SGCZ: variants seen among roughly 807,000 people sequenced by gnomAD.
The protein encoded by SGCZ is sarcoglycan zeta, also known as zeta-sarcoglycan.
Under a neutral mutation model 41.3 loss-of-function variants are expected in SGCZ, and 40 were observed. The ratio of observed to expected loss-of-function variants is 0.97; its 90% confidence interval spans 0.75 to 1.26. The LOEUF is 1.26. Among genes scored for constraint, SGCZ ranks in the 50% most tolerant of loss-of-function variants. The pLI is 0.00. For missense variants in SGCZ, 552 were observed against 369.8 expected, an observed-to-expected ratio of 1.49 and a Z score of -4.04; for synonymous variants, 206 against 137.5, an observed-to-expected ratio of 1.50 and a Z score of -3.49.
chr8:14,536,258 T>C (rs1803293706), intron 2 of SGCZ, among the ~76,000 whole-genome samples: 3 of 151,860 alleles, frequency 2.0e-5, no homozygotes, highest in Non-Finnish European at 1.5e-5. Flanking sequence ...AACAATTCAT[T>C]CATGTTGATA....
intron 1 of SGCZ, among the ~76,000 whole-genome samples, chr8:15,017,303 T>C (rs1304347206): frequency 6.6e-6 from 1 of 152,100 alleles, no homozygotes; most frequent in Non-Finnish European, 1.5e-5. Context: ...CCCAGGCAAA[T>C]AGTCAACAGA....
chr8:14,447,334 C>CA (rs1287232880), intron 2 of SGCZ, among the ~76,000 whole-genome samples: 1 of 151,782 alleles, frequency 6.6e-6, no homozygotes, highest in African/African-American at 2.4e-5. Flanking sequence ...ATTATGAAAT[C>CA]AAAAAAATAC....
rs79700712 is a variant in SGCZ, at chr8:15,187,395, A to T, written c.39+50190T>A. Among the ~76,000 whole-genome samples, 604 of 152,234 alleles carry T rather than the reference A, an allele frequency of 4.0e-3. 2 individuals are homozygous for T. Among genetic ancestry groups the T allele is most frequent in the Non-Finnish European group, 6.5e-3 (442 of 67,944 alleles). On this transcript the variant is annotated intron_variant, in intron 1 of 7. Coordinates refer to ENST00000382080, the MANE Select transcript of SGCZ (RefSeq NM_139167.4). ...GTGCATGTAATGTGCATTTTACAAG[A>T]GGAGAGACATTTTTTAGAACAGGAT...
chr8:14,326,464 C>A (rs1802121852), intron 2 of SGCZ, among the ~76,000 whole-genome samples: 1 of 151,886 alleles, frequency 6.6e-6, no homozygotes, highest in South Asian at 2.1e-4. Context: ...TTTTAAAAAG[C>A]CAGACTAAAG....
At chr8:14,334,850 AC>A (rs1368512270) in intron 2 of SGCZ, among the ~76,000 whole-genome samples, 2 of 152,084 alleles carry the variant, frequency 1.3e-5, no homozygotes, top group African/African-American at 4.8e-5. Flanking sequence ...CTTCATATAT[AC>A]TTTTTTGTAA....
chr8:14,337,542 G>A (rs1013833503), intron 2 of SGCZ, among the ~76,000 whole-genome samples: 1 of 152,176 alleles, frequency 6.6e-6, no homozygotes, highest in East Asian at 1.9e-4. Flanking sequence ...GGAAGTATGG[G>A]AAAAGTGATG....
At chr8:14,593,351 G>C (rs764232593) in intron 1 of SGCZ, among the ~76,000 whole-genome samples, 3 of 152,114 alleles carry the variant, frequency 2.0e-5, no homozygotes, top group Admixed American at 1.3e-4. Flanking sequence ...GCTGAAAAAG[G>C]ACATGGATTC....
intron 1 of SGCZ, among the ~76,000 whole-genome samples, chr8:14,558,498 C>A (rs947132971): frequency 1.3e-5 from 2 of 150,110 alleles, no homozygotes; most frequent in African/African-American, 4.9e-5. Context: ...TTGCTTGAAC[C>A]CGGAAGGCAG....
At chr8:15,109,285 A>C (rs1464603806) in intron 1 of SGCZ, among the ~76,000 whole-genome samples, 1 of 152,176 alleles carries the variant, frequency 6.6e-6, no homozygotes, top group Non-Finnish European at 1.5e-5. Flanking sequence ...TCTGCTAATG[A>C]ATCATGACAT....
At chr8:15,064,417 T>G (rs936958699) in intron 1 of SGCZ, among the ~76,000 whole-genome samples, 1 of 152,060 alleles carries the variant, frequency 6.6e-6, no homozygotes, top group African/African-American at 2.4e-5. Flanking sequence ...ATCGATCCAG[T>G]AGTCCCATAG....
intron 1 of SGCZ, among the ~76,000 whole-genome samples, chr8:14,912,320 A>C (rs971592818): frequency 6.6e-6 from 1 of 151,942 alleles, no homozygotes; most frequent in African/African-American, 2.4e-5. Context: ...CCCTACCCAA[A>C]ATGACAGAGA....
intron 1 of SGCZ, among the ~76,000 whole-genome samples, chr8:14,808,584 G>GT (rs1367781262): frequency 7.3e-5 from 11 of 151,334 alleles, no homozygotes; most frequent in Admixed American, 7.2e-4. Context: ...GAAACAACAG[G>GT]TGCTGGAGAG....
chr8:14,805,591 T>G (rs183306258), intron 1 of SGCZ, among the ~76,000 whole-genome samples: 8,911 of 134,070 alleles, frequency 0.066, 776 homozygotes, highest in African/African-American at 0.16. Flanking sequence ...ACGTCCTGAG[T>G]GACCTACAAA....
intron 5 of SGCZ, among the ~76,000 whole-genome samples, chr8:14,115,011 TAC>T: frequency 6.6e-6 from 1 of 151,866 alleles, no homozygotes; most frequent in Non-Finnish European, 1.5e-5. Context: ...TTAAAAATTG[TAC>T]ATAAATAATC....
At chr8:15,205,107 A>G (rs917931581) in intron 1 of SGCZ, among the ~76,000 whole-genome samples, 4 of 152,144 alleles carry the variant, frequency 2.6e-5, no homozygotes, top group Non-Finnish European at 5.9e-5. Context: ...TGTAAAATCA[A>G]TTTTTGGATT....
rs183828845 is a variant in SGCZ, at chr8:15,160,587, C to T, written c.39+76998G>A. Among the ~76,000 whole-genome samples, 620 of 152,124 alleles carry T rather than the reference C, an allele frequency of 4.1e-3. 5 individuals carry two copies. The highest frequency in any genetic ancestry group is 0.017 in the Middle Eastern group (5 of 294). On this transcript the variant is annotated intron_variant, in intron 1 of 7. Transcript: ENST00000382080. ...GATTTATATATTCAACATTTTTTTT[C>T]GGTTACCTATAGCCCTCTCCCAATT...
chr8:14,222,781 C>G (rs922471416), intron 4 of SGCZ, among the ~76,000 whole-genome samples: 1 of 144,666 alleles, frequency 6.9e-6, no homozygotes, highest in Non-Finnish European at 1.5e-5. Flanking sequence ...CACCCTCTCT[C>G]AGTCACAGTG....
chr8:14,202,495 G>T (rs991871189), intron 4 of SGCZ, among the ~76,000 whole-genome samples: 5 of 150,798 alleles, frequency 3.3e-5, no homozygotes, highest in Non-Finnish European at 7.4e-5. Context: ...GTTTCACAAG[G>T]GAAAAAAAAA....
intron 1 of SGCZ, among the ~76,000 whole-genome samples, chr8:15,166,680 T>C (rs181949937): frequency 6.6e-6 from 1 of 152,380 alleles, no homozygotes; most frequent in Non-Finnish European, 1.5e-5. Context: ...GTTAAGATAT[T>C]GTAAACAACA....
Sources: gnomAD v4.1 joint callset for allele counts (sites outside exome capture counted in the v4.1 genomes callset) on GRCh38, gnomAD v4.1.1 for gene constraint, MANE v1.5 for transcripts, NCBI Gene and HGNC (gene_info 2026-07-23, HGNC 2026-07-21) for gene names.